The following DNER variants were observed in gnomAD, a reference collection of about 807,000 sequenced individuals.
DNER encodes delta and Notch-like epidermal growth factor-related receptor.
In DNER, 33 loss-of-function variants were observed where a neutral mutation model predicts 78.2. That is an observed-to-expected ratio of 0.42 (90% CI 0.32 to 0.56). DNER has a LOEUF of 0.56. DNER is among the 20% of genes least tolerant of loss of function. The probability of loss-of-function intolerance (pLI) is 0.11; values close to 1 mark genes in which losing one functional copy is unlikely to be tolerated. For synonymous variants in DNER, 417 were observed against 384.8 expected (o/e 1.08, Z -0.98); for missense variants, 918 against 975.3 (o/e 0.94, Z 0.78).
chr2:229,663,013 C>T (rs1699033767), intron 1 of DNER, among the ~76,000 whole-genome samples: 1 of 152,194 alleles, frequency 6.6e-6, no homozygotes, highest in Non-Finnish European at 1.5e-5. Context: ...GGGTGCTCCT[C>T]GTGCTCCTCT....
At chr2:229,459,638 G>A (rs1214662022) in intron 7 of DNER, among the ~76,000 whole-genome samples, 1 of 151,994 alleles carries the variant, frequency 6.6e-6, no homozygotes, top group African/African-American at 2.4e-5. Flanking sequence ...ATTCAATCAG[G>A]TTTGTCTGAC....
intron 1 of DNER, among the ~76,000 whole-genome samples, chr2:229,607,878 C>T (rs949612509): frequency 9.9e-5 from 15 of 151,704 alleles, no homozygotes; most frequent in South Asian, 2.1e-4. Context: ...CAAAATTAAC[C>T]GGGCATGGTG....
At chr2:229,564,324 T>A (rs934112104) in intron 4 of DNER, among the ~76,000 whole-genome samples, 2,356 of 30,074 alleles carry the variant, frequency 0.078, no homozygotes, top group Middle Eastern at 0.12. Context: ...CATCATCATC[T>A]TCCTCACCCC....
chr2:229,561,993 C>G (rs1696967685), intron 4 of DNER, among the ~76,000 whole-genome samples: 1 of 152,150 alleles, frequency 6.6e-6, no homozygotes, highest in African/African-American at 2.4e-5. Context: ...CTTGGACAGC[C>G]AGTTTGCATC....
intron 11 of DNER, among the ~76,000 whole-genome samples, chr2:229,387,587 GGAAA>G (rs1465593504): frequency 1.4e-4 from 21 of 145,538 alleles, no homozygotes; most frequent in African/African-American, 4.5e-4. Context: ...AAGGAAGGAA[GGAAA>G]GAAGGAAAGG....
chr2:229,501,014 G>T (rs1252225140), intron 6 of DNER, among the ~76,000 whole-genome samples: 1 of 152,172 alleles, frequency 6.6e-6, no homozygotes, highest in Non-Finnish European at 1.5e-5. Flanking sequence ...AGGACATTGT[G>T]CTAAGGGAAA....
At chr2:229,562,027 G>A (rs1290918003) in intron 4 of DNER, among the ~76,000 whole-genome samples, 1 of 152,150 alleles carries the variant, frequency 6.6e-6, no homozygotes, top group African/African-American at 2.4e-5. Flanking sequence ...TGTGTGTTGA[G>A]AGCACACAAG....
At chr2:229,518,725 C>T (rs530070041) in intron 5 of DNER, among the ~76,000 whole-genome samples, 2 of 152,266 alleles carry the variant, frequency 1.3e-5, no homozygotes, top group South Asian at 4.1e-4. Context: ...GTTATTTCAC[C>T]TTACACTCTC....
At chr2:229,521,192 G>T (rs1696090095) in intron 5 of DNER, among the ~76,000 whole-genome samples, 1 of 152,204 alleles carries the variant, frequency 6.6e-6, no homozygotes, top group African/African-American at 2.4e-5. Context: ...GTTAATGGAG[G>T]AGCTCCAGGA....
At chr2:229,452,475 G>T (rs6722651) in intron 7 of DNER, among the ~76,000 whole-genome samples, 49,368 of 151,688 alleles carry the variant, frequency 0.33, 8,197 homozygotes, top group African/African-American at 0.38. Context: ...TGTGGCAAAC[G>T]GGAGAAAGCA....
intron 1 of DNER, among the ~76,000 whole-genome samples, chr2:229,690,102 G>T (rs993965090): frequency 6.6e-6 from 1 of 152,184 alleles, no homozygotes; most frequent in South Asian, 2.1e-4. Context: ...CTAGTAGTCC[G>T]CAGGCGTAGC....
At chr2:229,688,276 T>C (rs187624416) in intron 1 of DNER, among the ~76,000 whole-genome samples, 63 of 152,290 alleles carry the variant, frequency 4.1e-4, no homozygotes, top group Admixed American at 1.8e-3. Flanking sequence ...ATCCTGCCTA[T>C]CCCAGACTTC....
intron 6 of DNER, among the ~76,000 whole-genome samples, chr2:229,510,921 T>C (rs147162352): frequency 3.9e-5 from 6 of 152,332 alleles, no homozygotes; most frequent in African/African-American, 1.4e-4. Context: ...ATATGTATCA[T>C]ATCACTTTTT....
chr2:229,447,560 A>T lies in DNER; in HGVS notation c.1262-20T>A. On this transcript the variant is annotated intron_variant, in intron 7 of 12. Coordinates refer to ENST00000341772, the MANE Select transcript of DNER (RefSeq NM_139072.4). Reference sequence around the variant, plus strand: ...AGTATCCTGTGAAAAAACACATGAGAGCTTAAAAAAACTAAAACACATTTG... The same window carrying T: ...AGTATCCTGTGAAAAAACACATGAGTGCTTAAAAAAACTAAAACACATTTG... The T allele has an allele frequency of 1.9e-6, 3 of 1,608,112 alleles. No individual in the cohort carries two copies. Among genetic ancestry groups the T allele is most frequent in the Non-Finnish European group, 2.5e-6 (3 of 1,176,536 alleles).
intron 5 of DNER, among the ~76,000 whole-genome samples, chr2:229,526,001 T>C (rs960855232): frequency 7.9e-5 from 12 of 152,224 alleles, no homozygotes; most frequent in Non-Finnish European, 1.5e-4. Flanking sequence ...GTTGATTTCA[T>C]TATTTTAATA....
chr2:229,521,839 A>C (rs6745965), intron 5 of DNER, among the ~76,000 whole-genome samples: 2,464 of 152,258 alleles, frequency 0.016, 71 homozygotes, highest in African/African-American at 0.056. Flanking sequence ...CTCAAAGAAA[A>C]ACTATGAATT....
chr2:229,358,482 TA>T lies in DNER; in HGVS notation c.*57del, dbSNP rs1416190773. The T allele has an allele frequency of 7.6e-7, 1 of 1,317,268 alleles. No individual in the cohort carries two copies. Among genetic ancestry groups the T allele is most frequent in the Non-Finnish European group, 1.0e-6 (1 of 972,636 alleles). The allele number at this position is 1,317,268 out of a possible 1,614,324, so 81.6% of individuals were successfully genotyped here. Reference sequence around the variant, plus strand: ...AAATTTCTTAAGCTTTTTATTTTCTTAAAAATATTTAAATGAGTGTAGTATC... The same window carrying T: ...AAATTTCTTAAGCTTTTTATTTTCTTAAAATATTTAAATGAGTGTAGTATC... On this transcript the variant is annotated 3_prime_UTR_variant, in exon 13 of 13. Coordinates refer to ENST00000341772, the MANE Select transcript of DNER (RefSeq NM_139072.4).
chr2:229,581,171 C>T (rs758269887), intron 4 of DNER, among the ~76,000 whole-genome samples: 7 of 152,142 alleles, frequency 4.6e-5, no homozygotes, highest in Non-Finnish European at 8.8e-5. Flanking sequence ...ACACAGAAGC[C>T]ACACCCCAGA....
At chr2:229,612,700 T>G (rs148293854) in intron 1 of DNER, among the ~76,000 whole-genome samples, 44 of 152,372 alleles carry the variant, frequency 2.9e-4, no homozygotes, top group African/African-American at 1.0e-3. Context: ...CAGGTTTCGC[T>G]TTGACCAATA....
Sources: gnomAD v4.1 joint callset for allele counts (sites outside exome capture counted in the v4.1 genomes callset) on GRCh38, gnomAD v4.1.1 for gene constraint, MANE v1.5 for transcripts, NCBI Gene and HGNC (gene_info 2026-07-23, HGNC 2026-07-21) for gene names.